Variants in LRMDA observed in about 807,000 individuals in gnomAD.
LRMDA encodes the protein leucine rich melanocyte differentiation associated.
In LRMDA, 18 loss-of-function variants were observed where a neutral mutation model predicts 29.8. The ratio of observed to expected loss-of-function variants is 0.60; its 90% CI spans 0.42 to 0.90. The LOEUF (loss-of-function observed/expected upper bound fraction) is 0.90. Among genes scored for constraint, LRMDA ranks in the 40% least tolerant of loss-of-function variants. The pLI is 0.00. For synonymous variants in LRMDA, 125 were observed against 109.4 expected, an observed-to-expected ratio of 1.14 and a Z score of -0.89; for missense variants, 273 against 273.9, an observed-to-expected ratio of 1.00 and a Z score of 0.02.
chr10:76,062,592 A>G (rs1249225500), intron 5 of LRMDA, among the ~76,000 whole-genome samples: 1 of 151,492 alleles, frequency 6.6e-6, no homozygotes, highest in Non-Finnish European at 1.5e-5. Flanking sequence ...GTAGAGAAAG[A>G]TGCTGTCATT....
intron 6 of LRMDA, among the ~76,000 whole-genome samples, chr10:76,412,075 C>G (rs7901815): frequency 1.3e-5 from 2 of 152,146 alleles, no homozygotes; most frequent in Admixed American, 1.3e-4. Context: ...TGAATTCTCT[C>G]GAAATTTTGA....
chr10:75,503,947 A>T (rs1845143489), intron 2 of LRMDA, among the ~76,000 whole-genome samples: 2 of 152,146 alleles, frequency 1.3e-5, no homozygotes, highest in African/African-American at 4.8e-5. Context: ...AATGAAGCAT[A>T]AGGAATTGAA....
chr10:75,540,942 G>T lies in LRMDA; in HGVS notation c.131+102448G>T, dbSNP rs564433014. On this transcript the variant is annotated intron_variant, in intron 2 of 6. Coordinates refer to ENST00000611255, the MANE Select transcript of LRMDA (RefSeq NM_001305581.2). ...TAAACTCATTGCTTTTACAGGAAGA[G>T]CTTAAAACAAACTTAGGGAAACAAG... Among the ~76,000 whole-genome samples, 18 of 152,028 alleles carry T rather than the reference G, an allele frequency of 1.2e-4. No individual in the cohort carries two copies. In the South Asian group the frequency reaches 3.7e-3, roughly 32 times the overall value.
At chr10:76,218,033 G>A (rs74668428) in intron 5 of LRMDA, among the ~76,000 whole-genome samples, 2,217 of 152,242 alleles carry the variant, frequency 0.015, 22 homozygotes, top group Middle Eastern at 0.034. Flanking sequence ...TTCTCCCTGC[G>A]TACCCTGTAG....
At chr10:76,354,325 G>A (rs1841213605) in intron 6 of LRMDA, among the ~76,000 whole-genome samples, 1 of 152,166 alleles carries the variant, frequency 6.6e-6, no homozygotes, top group African/African-American at 2.4e-5. Context: ...TGACTGAAAG[G>A]TAAACCAGAT....
intron 2 of LRMDA, among the ~76,000 whole-genome samples, chr10:75,487,036 A>G (rs1444863305): frequency 6.6e-6 from 1 of 152,218 alleles, no homozygotes; most frequent in African/African-American, 2.4e-5. Flanking sequence ...TCTGATATGT[A>G]CTTGCTATAT....
chr10:75,547,867 C>G (rs1047306350), intron 2 of LRMDA, among the ~76,000 whole-genome samples: 1 of 152,124 alleles, frequency 6.6e-6, no homozygotes, highest in Non-Finnish European at 1.5e-5. Context: ...CGAGTGGGTC[C>G]TCCTTTGGAC....
chr10:75,943,609 G>C (rs1846430614), intron 2 of LRMDA, among the ~76,000 whole-genome samples: 1 of 152,192 alleles, frequency 6.6e-6, no homozygotes, highest in South Asian at 2.1e-4. Flanking sequence ...TATGTTAGCT[G>C]CTGTATTTGG....
At chr10:76,544,714 A>G (rs1407378072) in intron 6 of LRMDA, among the ~76,000 whole-genome samples, 1 of 4,136 alleles carries the variant, frequency 2.4e-4, no homozygotes, top group African/African-American at 6.0e-4. Context: ...ATACATGCAC[A>G]CACACACACA....
At chr10:75,700,345 A>G (rs913035139) in intron 2 of LRMDA, among the ~76,000 whole-genome samples, 25 of 151,922 alleles carry the variant, frequency 1.6e-4, no homozygotes, top group African/African-American at 5.6e-4. Context: ...AAAAAAATAT[A>G]AAGCAGTATA....
At chr10:76,386,105 A>AT (rs1317432892) in intron 6 of LRMDA, among the ~76,000 whole-genome samples, 1 of 152,106 alleles carries the variant, frequency 6.6e-6, no homozygotes, top group African/African-American at 2.4e-5. Context: ...ATTTTGAATG[A>AT]TTTTATCAAC....
At chr10:75,871,033 A>G (rs1463717528) in intron 2 of LRMDA, among the ~76,000 whole-genome samples, 1 of 152,166 alleles carries the variant, frequency 6.6e-6, no homozygotes, top group Non-Finnish European at 1.5e-5. Context: ...TATTTTCAGC[A>G]TCCATTCCCA....
intron 6 of LRMDA, among the ~76,000 whole-genome samples, chr10:76,502,027 A>G (rs1440799138): frequency 6.6e-6 from 1 of 151,788 alleles, no homozygotes; most frequent in Non-Finnish European, 1.5e-5. Flanking sequence ...TTTTGAGTTA[A>G]TTTTTTACAT....
chr10:76,262,340 C>T (rs1473855610), intron 5 of LRMDA, among the ~76,000 whole-genome samples: 1 of 152,134 alleles, frequency 6.6e-6, no homozygotes, highest in African/African-American at 2.4e-5. Flanking sequence ...CCTCATACTC[C>T]CAGCCTGCTC....
chr10:75,744,815 C>T (rs1403612930), intron 2 of LRMDA, among the ~76,000 whole-genome samples: 3 of 152,150 alleles, frequency 2.0e-5, no homozygotes, highest in African/African-American at 7.2e-5. Flanking sequence ...GGGGACATTC[C>T]TGGCCACTGA....
intron 2 of LRMDA, among the ~76,000 whole-genome samples, chr10:75,724,366 A>G (rs1467847880): frequency 2.6e-5 from 4 of 152,208 alleles, no homozygotes; most frequent in African/African-American, 9.6e-5. Context: ...GTATAGAGAA[A>G]AAAGTAACTT....
At chr10:75,691,262 GTATA>G (rs3041681) in intron 2 of LRMDA, among the ~76,000 whole-genome samples, 6 of 141,088 alleles carry the variant, frequency 4.3e-5, no homozygotes, top group African/African-American at 1.1e-4. Flanking sequence ...ATGTATATGT[GTATA>G]TATATATATA....
intron 2 of LRMDA, among the ~76,000 whole-genome samples, chr10:76,021,158 G>A (rs1847968559): frequency 6.6e-6 from 1 of 152,236 alleles, no homozygotes; most frequent in Non-Finnish European, 1.5e-5. Flanking sequence ...ACCAGTGGTA[G>A]AGAAAGTGTT....
chr10:76,294,047 G>C (rs960982624), intron 5 of LRMDA, among the ~76,000 whole-genome samples: 1 of 152,164 alleles, frequency 6.6e-6, no homozygotes, highest in Non-Finnish European at 1.5e-5. Flanking sequence ...CACTCCACTG[G>C]ATAGGAGAGG....
Sources: allele counts gnomAD v4.1 joint callset (sites outside exome capture counted in the v4.1 genomes callset), GRCh38; gene constraint gnomAD v4.1.1; transcripts MANE v1.5; gene names NCBI Gene and HGNC (gene_info 2026-07-23, HGNC 2026-07-21).